The following PTPRD variants were observed in gnomAD, a reference collection of about 807,000 sequenced individuals.
PTPRD encodes the protein receptor-type tyrosine-protein phosphatase delta.
A neutral mutation model predicts 214.5 loss-of-function variants in PTPRD; 34 were observed. The ratio of observed to expected loss-of-function variants is 0.16; its 90% CI spans 0.12 to 0.21. The LOEUF (loss-of-function observed/expected upper bound fraction) is 0.21, where lower values mean the gene tolerates loss of function less well. PTPRD is among the 10% of genes least tolerant of loss of function. The pLI, the probability that PTPRD is intolerant of heterozygous loss-of-function variation, is 1.00. For missense variants in PTPRD, 2,545 were observed against 2,398.7 expected (o/e 1.06, Z -1.27); for synonymous variants, 1,128 against 845.7 (o/e 1.33, Z -5.79).
At chr9:9,761,611 G>C (rs1010191939) in intron 6 of PTPRD, among the ~76,000 whole-genome samples, 7 of 152,058 alleles carry the variant, frequency 4.6e-5, no homozygotes, top group Non-Finnish European at 8.8e-5. Context: ...TGCTGGTTGT[G>C]ATATTATACT....
chr9:9,795,559 A>T (rs2098996745), intron 5 of PTPRD, among the ~76,000 whole-genome samples: 2 of 152,206 alleles, frequency 1.3e-5, no homozygotes, highest in Admixed American at 1.3e-4. Flanking sequence ...TTAGTCAAAA[A>T]GGGACGTCAA....
At chr9:9,458,693 C>A (rs918900292) in intron 8 of PTPRD, among the ~76,000 whole-genome samples, 1 of 152,056 alleles carries the variant, frequency 6.6e-6, no homozygotes, top group African/African-American at 2.4e-5. Context: ...TTAATCCCAG[C>A]ACTTTGGGAG....
Position 9,183,349 on chromosome 9 carries a change from CAAGAAG to C in PTPRD, c.-194_-189del, listed in dbSNP as rs370740107. On this transcript the variant is annotated 5_prime_UTR_variant, in exon 10 of 46. Transcript: ENST00000381196. ...TGTTTTCAGACACAGTCCCTGGCCTCAAGAAGTTCAAAACCTAATTATAAAGATAGA... is the reference window on the plus strand; with the variant it reads ...TGTTTTCAGACACAGTCCCTGGCCTCTTCAAAACCTAATTATAAAGATAGA... The C allele has an allele frequency of 4.6e-5, 7 of 152,038 alleles. No homozygotes were observed. Among genetic ancestry groups the C allele is most frequent in the African/African-American group, 1.7e-4 (7 of 41,530 alleles). 9.4% of individuals were successfully genotyped at this position (152,038 alleles called of 1,614,324 possible). A position where few individuals can be genotyped will look rare whatever the true frequency, so the allele number is the denominator to read the frequency against.
chr9:9,812,458 T>C (rs991761882), intron 5 of PTPRD, among the ~76,000 whole-genome samples: 6 of 151,544 alleles, frequency 4.0e-5, no homozygotes, highest in African/African-American at 7.3e-5. Context: ...AGGTCACACA[T>C]AGGCTAAAAG....
At chr9:9,814,630 T>G (rs968321946) in intron 5 of PTPRD, among the ~76,000 whole-genome samples, 1 of 152,024 alleles carries the variant, frequency 6.6e-6, no homozygotes, top group African/African-American at 2.4e-5. Flanking sequence ...GTGAAATAAA[T>G]TGAAGAAGAC....
At chr9:10,060,564 A>AT (rs562250842) in intron 3 of PTPRD, among the ~76,000 whole-genome samples, 2 of 151,990 alleles carry the variant, frequency 1.3e-5, no homozygotes, top group African/African-American at 4.8e-5. Flanking sequence ...GTGTCAAAGT[A>AT]TTTTTTTAAT....
chr9:8,758,284 T>C (rs1398452983), intron 11 of PTPRD, among the ~76,000 whole-genome samples: 1 of 152,186 alleles, frequency 6.6e-6, no homozygotes, highest in East Asian at 1.9e-4. Context: ...CCTGAGATGG[T>C]ACAAATGTAG....
At chr9:9,803,717 G>C (rs1183078970) in intron 5 of PTPRD, 1 of 151,776 alleles carries the variant, frequency 6.6e-6, no homozygotes, top group Non-Finnish European at 1.5e-5. Context: ...TTTCTTTCAG[G>C]AAAGAAACTG....
intron 3 of PTPRD, among the ~76,000 whole-genome samples, chr9:10,164,864 G>C (rs146395846): frequency 1.3e-5 from 2 of 150,766 alleles, no homozygotes; most frequent in Non-Finnish European, 3.0e-5. Flanking sequence ...TGCTGAGCTT[G>C]GAAGGGGACA....
chr9:8,871,434 T>G (rs1015609726), intron 11 of PTPRD, among the ~76,000 whole-genome samples: 1 of 152,152 alleles, frequency 6.6e-6, no homozygotes, highest in African/African-American at 2.4e-5. Context: ...TTGAGTAACA[T>G]CTTTAGAAAA....
chr9:9,567,445 A>G (rs982914832), intron 8 of PTPRD, among the ~76,000 whole-genome samples: 2 of 151,986 alleles, frequency 1.3e-5, no homozygotes, highest in Admixed American at 6.6e-5. Context: ...AAAAGTCACT[A>G]AAGAATTTTG....
chr9:9,407,837 T>A lies in PTPRD; in HGVS notation c.-236-10355A>T, dbSNP rs570163188. On this transcript the variant is annotated intron_variant, in intron 8 of 45. Coordinates refer to ENST00000381196, the MANE Select transcript of PTPRD (RefSeq NM_002839.4). The stretch of plus-strand genomic sequence containing the variant: ...GCTAGTTGCAATTGTATTACTATAT[T>A]TATGATAAAAGAACTTTGTTTCCTT... 1.0e-3 allele frequency among the ~76,000 whole-genome samples: 156 copies of A among 151,972 alleles called. 2 individuals carry two copies. Among genetic ancestry groups the A allele is most frequent in the African/African-American group, 3.7e-3 (155 of 41,548 alleles).
At chr9:10,503,925 G>C (rs1428518858) in intron 2 of PTPRD, among the ~76,000 whole-genome samples, 2 of 151,444 alleles carry the variant, frequency 1.3e-5, no homozygotes, top group African/African-American at 4.8e-5. Flanking sequence ...GACCATCCTG[G>C]CTAACACGGT....
At chr9:10,562,439 G>T (rs2064265458) in intron 2 of PTPRD, among the ~76,000 whole-genome samples, 1 of 151,916 alleles carries the variant, frequency 6.6e-6, no homozygotes, top group Non-Finnish European at 1.5e-5. Flanking sequence ...TTTGTTAAGG[G>T]AAGAGCAGCA....
chr9:10,520,084 G>C (rs2051648520), intron 2 of PTPRD, among the ~76,000 whole-genome samples: 1 of 152,114 alleles, frequency 6.6e-6, no homozygotes, highest in Non-Finnish European at 1.5e-5. Flanking sequence ...TAAATCAAAA[G>C]CTAGAAATGA....
chr9:9,691,057 G>A (rs751254951), intron 7 of PTPRD, among the ~76,000 whole-genome samples: 24 of 151,762 alleles, frequency 1.6e-4, no homozygotes, highest in African/African-American at 3.1e-4. Flanking sequence ...TGGTGTACAC[G>A]AGATATTTTG....
intron 11 of PTPRD, among the ~76,000 whole-genome samples, chr9:8,835,057 T>A (rs1274355831): frequency 6.6e-6 from 1 of 152,162 alleles, no homozygotes; most frequent in African/African-American, 2.4e-5. Flanking sequence ...GACCCCAGGT[T>A]AAAGTCAGTA....
intron 12 of PTPRD, among the ~76,000 whole-genome samples, chr9:8,690,524 G>A (rs1055575302): frequency 4.1e-5 from 4 of 96,712 alleles, no homozygotes; most frequent in African/African-American, 2.6e-4. Context: ...GCAAGACTCC[G>A]TCTCAAAAAA....
At chr9:8,646,053 T>C (rs2096681229) in intron 12 of PTPRD, among the ~76,000 whole-genome samples, 1 of 142,758 alleles carries the variant, frequency 7.0e-6, no homozygotes, top group South Asian at 2.2e-4. Context: ...CACCTGGGAG[T>C]CCTAAAAGAA....
Sources: allele counts gnomAD v4.1 joint callset (sites outside exome capture counted in the v4.1 genomes callset), GRCh38; gene constraint gnomAD v4.1.1; transcripts MANE v1.5; gene names NCBI Gene and HGNC (gene_info 2026-07-23, HGNC 2026-07-21).